Variants in NETO2 observed in about 807,000 individuals in gnomAD.
NETO2 encodes neuropilin and tolloid-like protein 2.
NETO2 carries 28 observed loss-of-function variants against 62.5 expected under a neutral mutation model. The observed-to-expected ratio is 0.45, with a 90% CI of 0.33 to 0.61. The LOEUF is 0.61. Among genes scored for constraint, NETO2 ranks in the 20% least tolerant of loss-of-function variants. NETO2 has a pLI of 0.02. For synonymous variants in NETO2, 214 were observed against 219.1 expected (o/e 0.98, Z 0.21); for missense variants, 548 against 643.2 (o/e 0.85, Z 1.60).
At chr16:47,100,340 C>T (rs1248121667) in intron 7 of NETO2, among the ~76,000 whole-genome samples, 1 of 152,134 alleles carries the variant, frequency 6.6e-6, no homozygotes, top group East Asian at 1.9e-4. Flanking sequence ...GCACTAAATG[C>T]CCACAGGAGA....
At chr16:47,136,975 T>C (rs1309460272) in intron 1 of NETO2, among the ~76,000 whole-genome samples, 1 of 152,126 alleles carries the variant, frequency 6.6e-6, no homozygotes, top group Non-Finnish European at 1.5e-5. Flanking sequence ...CATAAAAATG[T>C]GCCAAAACCC....
chr16:47,097,895 G>T (rs1963461820), intron 7 of NETO2, among the ~76,000 whole-genome samples: 1 of 152,132 alleles, frequency 6.6e-6, no homozygotes, highest in Non-Finnish European at 1.5e-5. Context: ...GTCTGGAGTG[G>T]ACCTCCAGCA....
Position 47,079,409 on chromosome 16 carries a change from C to G in NETO2, c.*3812G>C, listed in dbSNP as rs1368014401. ...AGGAGATTGAGACTATCCTGGCTAA[C>G]ACGGTGAAACCCCGTCTCTACTAAA... On this transcript the variant is annotated 3_prime_UTR_variant, in exon 9 of 9. Coordinates refer to ENST00000562435, the MANE Select transcript of NETO2 (RefSeq NM_018092.5). 6.6e-6 allele frequency: 1 copy of G among 151,672 alleles called. No individual in the cohort carries two copies. 9.4% of individuals were successfully genotyped at this position (151,672 alleles called of 1,614,324 possible). A position where few individuals can be genotyped will look rare whatever the true frequency, so the allele number is the denominator to read the frequency against.
chr16:47,102,700 C>G (rs1424353856), intron 7 of NETO2, among the ~76,000 whole-genome samples: 1 of 151,948 alleles, frequency 6.6e-6, no homozygotes, highest in Non-Finnish European at 1.5e-5. Flanking sequence ...AAAAGCTCAT[C>G]ATCACGGTCA....
intron 4 of NETO2, among the ~76,000 whole-genome samples, chr16:47,125,434 C>T (rs1460691203): frequency 1.3e-5 from 2 of 152,028 alleles, no homozygotes; most frequent in Non-Finnish European, 2.9e-5. Context: ...CAACCTCCAC[C>T]TCCCAGGTTC....
chr16:47,141,656 T>C (rs1382345324), intron 1 of NETO2, among the ~76,000 whole-genome samples: 1 of 152,336 alleles, frequency 6.6e-6, no homozygotes, highest in Admixed American at 6.5e-5. Flanking sequence ...AATAACTTGC[T>C]TTCTCTCTAG....
chr16:47,105,611 T>C (rs1025279199), intron 7 of NETO2, among the ~76,000 whole-genome samples: 1 of 151,804 alleles, frequency 6.6e-6, no homozygotes, highest in African/African-American at 2.4e-5. Flanking sequence ...GGGATTAATA[T>C]CCAGAATACA....
intron 3 of NETO2, 54 bp from the exon 4 acceptor site, chr16:47,128,627 T>A: frequency 6.4e-7 from 1 of 1,566,156 alleles, no homozygotes; most frequent in South Asian, 1.2e-5. Context: ...AGAATATAAA[T>A]GTATTGACAC....
chr16:47,080,987 T>C lies in NETO2; in HGVS notation c.*2234A>G, dbSNP rs1963051312. The C allele has an allele frequency of 3.4e-5, 5 of 147,292 alleles. 1 individual carries two copies. The South Asian group carries it at 1.0e-3, about 31-fold the overall frequency. The allele number at this position is 147,292 out of a possible 1,614,324, so 9.1% of individuals were successfully genotyped here. A position where few individuals can be genotyped will look rare whatever the true frequency, so the allele number is the denominator to read the frequency against. On this transcript the variant is annotated 3_prime_UTR_variant, in exon 9 of 9. Coordinates refer to ENST00000562435, the MANE Select transcript of NETO2 (RefSeq NM_018092.5). ...ATGTTACTTGCTACATTGACTCGTA[T>C]AAAACTGTGTACTTCTATTTTACTG...
At chr16:47,092,566 A>T (rs374120854) in intron 7 of NETO2, among the ~76,000 whole-genome samples, 1 of 152,182 alleles carries the variant, frequency 6.6e-6, no homozygotes, top group African/African-American at 2.4e-5. Flanking sequence ...ACTGGACTGG[A>T]CAGCACAGGT....
intron 6 of NETO2, among the ~76,000 whole-genome samples, chr16:47,115,295 G>C (rs1327691973): frequency 6.6e-6 from 1 of 152,028 alleles, no homozygotes; most frequent in Admixed American, 6.6e-5. Context: ...GATTGAAATT[G>C]TATTCATCTG....
At chr16:47,096,788 G>A (rs1963435726) in intron 7 of NETO2, among the ~76,000 whole-genome samples, 1 of 152,210 alleles carries the variant, frequency 6.6e-6, no homozygotes, top group Non-Finnish European at 1.5e-5. Flanking sequence ...AGCTCCCCAT[G>A]AGATCAAGGC....
At position 47,113,386 on chromosome 16, in the gene NETO2, C is replaced by T. The variant is rs9925722; in HGVS notation, c.655-3675G>A. On this transcript the variant is annotated intron_variant, in intron 6 of 8. Coordinates refer to ENST00000562435, the MANE Select transcript of NETO2 (RefSeq NM_018092.5). Reference sequence around the variant, plus strand: ...TCAAAATCCATCTCCAGTCTTCATCCCTGGTAAGCAATGATCTGTTCTTTG... The same window carrying T: ...TCAAAATCCATCTCCAGTCTTCATCTCTGGTAAGCAATGATCTGTTCTTTG... Among the ~76,000 whole-genome samples the T allele has an allele frequency of 4.3e-3, 648 of 152,182 alleles. 5 individuals carry two copies. The highest frequency in any genetic ancestry group is 0.015 in the African/African-American group (616 of 41,478).
intron 6 of NETO2, among the ~76,000 whole-genome samples, chr16:47,119,976 T>A (rs909714212): frequency 6.6e-6 from 1 of 152,246 alleles, no homozygotes. Context: ...GGGAGCAAGA[T>A]ACTGTGTCCA....
intron 3 of NETO2, 150 bp from the exon 4 acceptor site, chr16:47,128,723 G>A (rs1964207108): frequency 4.9e-6 from 4 of 811,944 alleles, no homozygotes; most frequent in Admixed American, 2.7e-5. Flanking sequence ...CATGATAAAT[G>A]TATCTTACAT....
intron 7 of NETO2, among the ~76,000 whole-genome samples, chr16:47,094,677 T>C (rs1963392513): frequency 6.6e-6 from 1 of 151,308 alleles, no homozygotes; most frequent in Non-Finnish European, 1.5e-5. Flanking sequence ...CTGCCCGCCT[T>C]GGCCTCCCAA....
At chr16:47,133,270 C>G (rs2151492622) in intron 1 of NETO2, among the ~76,000 whole-genome samples, 1 of 151,962 alleles carries the variant, frequency 6.6e-6, no homozygotes, top group African/African-American at 2.4e-5. Flanking sequence ...GAGAAAGAAA[C>G]AGCTTAAATA....
Position 47,128,555 on chromosome 16 carries a change from A to G in NETO2, c.251T>C (p.Ile84Thr). Reference protein sequence around the residue: ...YILEAAPRQRIELTFDEHYYI... With the variant: ...YILEAAPRQRTELTFDEHYYI... ...ATAATGTTCATCAAAGGTCAACTCTATTCTTTGACGTGGAGCAGCTAGAAA... is the reference window on the plus strand; with the variant it reads ...ATAATGTTCATCAAAGGTCAACTCTGTTCTTTGACGTGGAGCAGCTAGAAA... Residue 84 changes from isoleucine to threonine, a missense_variant, in exon 4 of 9, where the codon ATA (isoleucine) becomes ACA (threonine). Transcript: ENST00000562435. The G allele has an allele frequency of 5.0e-6, 8 of 1,612,504 alleles. No individual in the cohort carries two copies. The highest frequency in any genetic ancestry group is 6.8e-6 in the Non-Finnish European group (8 of 1,179,752).
chr16:47,086,136 G>A (rs906410571), intron 8 of NETO2, 90 bp downstream of exon 8: 1 of 808,850 alleles, frequency 1.2e-6, no homozygotes, highest in Non-Finnish European at 2.2e-6. Context: ...GCTATGCTAA[G>A]CACTGTTGTA....
Sources: allele counts gnomAD v4.1 joint callset (sites outside exome capture counted in the v4.1 genomes callset), GRCh38; gene constraint gnomAD v4.1.1; transcripts MANE v1.5; gene names NCBI Gene and HGNC (gene_info 2026-07-23, HGNC 2026-07-21).